Variants in GMDS observed in about 807,000 individuals in gnomAD.
GMDS encodes the protein GDP-mannose 4,6 dehydratase.
In GMDS, 20 loss-of-function variants were observed where a neutral mutation model predicts 49.9. The observed-to-expected ratio is 0.40, with a 90% CI of 0.28 to 0.58. The LOEUF (loss-of-function observed/expected upper bound fraction) is 0.58. Ranked by LOEUF, GMDS falls within the 20% of genes least tolerant of loss-of-function variation. The probability of loss-of-function intolerance (pLI) is 0.42; values close to 1 mark genes in which losing one functional copy is unlikely to be tolerated. For synonymous variants in GMDS, 177 were observed against 178.6 expected, an observed-to-expected ratio of 0.99 and a Z score of 0.07; for missense variants, 362 against 481.4, an observed-to-expected ratio of 0.75 and a Z score of 2.32.
intron 7 of GMDS, among the ~76,000 whole-genome samples, chr6:1,822,334 C>CTCA (rs1441341335): frequency 5.9e-5 from 9 of 152,200 alleles, no homozygotes; most frequent in African/African-American, 2.2e-4. Context: ...CATTTAGAAA[C>CTCA]TCATCATTCT....
chr6:1,773,336 CTCTCT>C (rs1014588530), intron 7 of GMDS, among the ~76,000 whole-genome samples: 1 of 151,508 alleles, frequency 6.6e-6, no homozygotes, highest in Admixed American at 6.6e-5. Context: ...CTAAATACAA[CTCTCT>C]TCTCTTAACA....
chr6:1,996,816 G>A (rs1044844220), intron 4 of GMDS, among the ~76,000 whole-genome samples: 2 of 152,108 alleles, frequency 1.3e-5, no homozygotes, highest in African/African-American at 4.8e-5. Context: ...CATGTCTGAG[G>A]ACATGTACTC....
intron 4 of GMDS, among the ~76,000 whole-genome samples, chr6:2,031,713 T>G (rs1380614094): frequency 1.3e-5 from 2 of 152,128 alleles, no homozygotes. Flanking sequence ...ATTCCTGGTG[T>G]GTGAAACTGA....
intron 1 of GMDS, among the ~76,000 whole-genome samples, chr6:2,159,394 G>A (rs1389619045): frequency 1.3e-5 from 2 of 150,112 alleles, no homozygotes; most frequent in African/African-American, 2.5e-5. Context: ...CAATTTTAAC[G>A]TTTTATGATA....
intron 7 of GMDS, among the ~76,000 whole-genome samples, chr6:1,819,795 A>G (rs761095004): frequency 1.6e-4 from 24 of 146,520 alleles, no homozygotes; most frequent in African/African-American, 5.5e-4. Context: ...ATATATATAT[A>G]TATCTACCTT....
chr6:1,984,866 C>A (rs1381589260), intron 4 of GMDS, among the ~76,000 whole-genome samples: 9 of 152,122 alleles, frequency 5.9e-5, no homozygotes, highest in Admixed American at 5.2e-4. Context: ...AAAGGCATGA[C>A]TGGGTAGGAA....
intron 9 of GMDS, among the ~76,000 whole-genome samples, chr6:1,714,558 G>A (rs1766103908): frequency 6.6e-6 from 1 of 152,198 alleles, no homozygotes; most frequent in Admixed American, 6.5e-5. Context: ...AATTCAGAAA[G>A]TTTCAGAGTA....
intron 9 of GMDS, among the ~76,000 whole-genome samples, chr6:1,703,881 G>A (rs1765628049): frequency 6.6e-6 from 1 of 152,260 alleles, no homozygotes; most frequent in Admixed American, 6.5e-5. Flanking sequence ...AAGACTTAGA[G>A]TAATCATATT....
chr6:1,803,645 T>C (rs1770043740), intron 7 of GMDS, among the ~76,000 whole-genome samples: 2 of 152,314 alleles, frequency 1.3e-5, no homozygotes, highest in South Asian at 4.1e-4. Flanking sequence ...TTTATTAGGC[T>C]CTAGAGATGC....
rs560608738 is a variant in GMDS at position 2,147,214 on chromosome 6, G to A, written c.103-22483C>T. ...ATTCAGAAAGCTGTTTGGTTTTGAT[G>A]AAACCTTAAAAAAGTTACCGGTTGG... On this transcript the variant is annotated intron_variant, in intron 1 of 10. Coordinates refer to ENST00000380815, the MANE Select transcript of GMDS (RefSeq NM_001500.4). Among the ~76,000 whole-genome samples the A allele has an allele frequency of 7.5e-4, 114 of 152,292 alleles. 1 individual carries two copies. The highest frequency in any genetic ancestry group is 3.3e-3 in the Admixed American group (50 of 15,300).
At chr6:1,687,118 C>T (rs963191143) in intron 9 of GMDS, among the ~76,000 whole-genome samples, 1 of 152,174 alleles carries the variant, frequency 6.6e-6, no homozygotes, top group Non-Finnish European at 1.5e-5. Context: ...GGCGCCACCC[C>T]GTTTGTCAGG....
intron 4 of GMDS, among the ~76,000 whole-genome samples, chr6:2,032,825 T>C (rs1240464724): frequency 6.6e-6 from 1 of 152,164 alleles, no homozygotes; most frequent in Non-Finnish European, 1.5e-5. Flanking sequence ...GAGGTAGCAT[T>C]TGGAATACAA....
chr6:1,844,846 T>C (rs1757316823), intron 7 of GMDS, among the ~76,000 whole-genome samples: 4 of 152,228 alleles, frequency 2.6e-5, no homozygotes, highest in Admixed American at 2.6e-4. Flanking sequence ...GACAACTTCA[T>C]TTAACTAGAA....
intron 4 of GMDS, among the ~76,000 whole-genome samples, chr6:1,968,987 T>C (rs370375821): frequency 3.6e-4 from 54 of 151,828 alleles, no homozygotes; most frequent in African/African-American, 7.5e-4. Flanking sequence ...ATTGGCCTGG[T>C]GCGGTGGCTC....
intron 1 of GMDS, among the ~76,000 whole-genome samples, chr6:2,189,490 TCCCC>T (rs1778922681): frequency 6.6e-6 from 1 of 152,088 alleles, no homozygotes; most frequent in South Asian, 2.1e-4. Flanking sequence ...GAACCTGTCC[TCCCC>T]CAAAAGTCCC....
chr6:1,700,710 T>C lies in GMDS; in HGVS notation c.987+25706A>G, dbSNP rs186520358. 5.9e-5 allele frequency among the ~76,000 whole-genome samples: 9 copies of C among 152,304 alleles called. No individual in the cohort carries two copies. In the East Asian group the frequency reaches 1.7e-3, roughly 29 times the overall value. ...ATGTCTTTTGTCTAGTGATGTCCTA[T>C]GCGGTGGCAAGAAAGAAGACTGCAG... On this transcript the variant is annotated intron_variant, in intron 9 of 10. Coordinates refer to ENST00000380815, the MANE Select transcript of GMDS (RefSeq NM_001500.4).
At chr6:2,176,922 A>C (rs1456764546) in intron 1 of GMDS, among the ~76,000 whole-genome samples, 1 of 152,210 alleles carries the variant, frequency 6.6e-6, no homozygotes, top group Non-Finnish European at 1.5e-5. Context: ...AGGTTAGGAA[A>C]GCAACCTAAG....
intron 4 of GMDS, among the ~76,000 whole-genome samples, chr6:2,040,089 T>C (rs945201822): frequency 2.0e-5 from 3 of 152,202 alleles, no homozygotes; most frequent in African/African-American, 4.8e-5. Flanking sequence ...CAGTCCTTCA[T>C]TGACCAAAAT....
At chr6:1,725,666 A>C (rs1426653352) in intron 9 of GMDS, among the ~76,000 whole-genome samples, 2 of 152,212 alleles carry the variant, frequency 1.3e-5, no homozygotes, top group Non-Finnish European at 2.9e-5. Context: ...TCCTGAGCTC[A>C]GGTGATCTGC....
Sources: allele counts gnomAD v4.1 joint callset (sites outside exome capture counted in the v4.1 genomes callset), GRCh38; gene constraint gnomAD v4.1.1; transcripts MANE v1.5; gene names NCBI Gene and HGNC (gene_info 2026-07-23, HGNC 2026-07-21).